Variants in CFAP61 observed in about 807,000 individuals in gnomAD.
The protein encoded by CFAP61 is cilia- and flagella-associated protein 61.
Under a neutral mutation model 135.6 loss-of-function variants are expected in CFAP61, and 107 were observed. That is an observed-to-expected ratio of 0.79 (90% CI 0.67 to 0.93). CFAP61 has a LOEUF of 0.93. Among genes scored for constraint, CFAP61 ranks in the 40% least tolerant of loss-of-function variants. The pLI, the probability that CFAP61 is intolerant of heterozygous loss-of-function variation, is 0.00. For synonymous variants in CFAP61, 575 were observed against 578.5 expected (o/e 0.99, Z 0.09); for missense variants, 1,507 against 1,556.2 (o/e 0.97, Z 0.53).
At position 20,159,360 on chromosome 20, in the gene CFAP61, T is replaced by C. The variant is rs146284267; in HGVS notation, c.952-10T>C. 2.5e-6 allele frequency: 4 copies of C among 1,613,398 alleles called. No homozygotes were observed. In the African/African-American group the frequency reaches 5.3e-5, roughly 22 times the overall value. On this transcript the variant is annotated splice_polypyrimidine_tract_variant and intron_variant, in intron 9 of 26. Coordinates refer to ENST00000245957, the MANE Select transcript of CFAP61 (RefSeq NM_015585.4). ...GATTAATTTTCATGTTTTGCTGTCA[T>C]CATTTCCAGGGAAATATTGCCAGAG... is the stretch of plus-strand genomic sequence containing the variant.
In CFAP61 at chr20:20,341,959, A is replaced by T. The variant is rs745400457; in HGVS notation, c.3513+38A>T. On this transcript the variant is annotated intron_variant, in intron 26 of 26. Transcript: ENST00000245957. ...AATGGATATGTGGATTATTCCTTGC[A>T]AATTATAAGCAGCTGATAGCTGTTG... The T allele has an allele frequency of 4.3e-6, 6 of 1,399,522 alleles. No individual in the cohort carries two copies. The African/African-American group carries it at 8.5e-5, about 20-fold the overall frequency. 86.7% of individuals were successfully genotyped at this position (1,399,522 alleles called of 1,614,324 possible). A position where few individuals can be genotyped will look rare whatever the true frequency, so the allele number is the denominator to read the frequency against.
chr20:20,226,602 G>A (rs1268658819), intron 17 of CFAP61, among the ~76,000 whole-genome samples: 1 of 152,232 alleles, frequency 6.6e-6, no homozygotes, highest in African/African-American at 2.4e-5. Context: ...CTATTTCTGT[G>A]TGATTCTCTT....
chr20:20,219,296 G>A (rs1006783036), intron 17 of CFAP61, among the ~76,000 whole-genome samples: 1 of 152,122 alleles, frequency 6.6e-6, no homozygotes, highest in African/African-American at 2.4e-5. Context: ...TTGAAATTTT[G>A]TTCTTTGACT....
chr20:20,326,748 T>C (rs1374407161), intron 25 of CFAP61, among the ~76,000 whole-genome samples: 2 of 152,208 alleles, frequency 1.3e-5, no homozygotes, highest in Non-Finnish European at 2.9e-5. Context: ...GTTGTAATGA[T>C]TGAGACATTA....
Position 20,296,613 on chromosome 20 carries a change from A to C in CFAP61, c.3217-1568A>C, listed in dbSNP as rs566019827. Among the ~76,000 whole-genome samples the C allele has an allele frequency of 3.9e-4, 60 of 152,164 alleles. 1 individual carries two copies. The highest frequency in any genetic ancestry group is 1.4e-3 in the African/African-American group (58 of 41,512). On this transcript the variant is annotated intron_variant, in intron 24 of 26. Coordinates refer to ENST00000245957, the MANE Select transcript of CFAP61 (RefSeq NM_015585.4). ...AAAAATAACTTTTCCTCATTTTAGA[A>C]GTAATGATCATTTTTTAAAAATTAG...
chr20:20,177,857 G>A (rs1053905300), intron 13 of CFAP61, among the ~76,000 whole-genome samples: 3 of 151,956 alleles, frequency 2.0e-5, no homozygotes, highest in Admixed American at 2.0e-4. Flanking sequence ...CATGAGTAAA[G>A]ACCTGAAGGA....
At chr20:20,313,541 G>A (rs2056946954) in intron 25 of CFAP61, among the ~76,000 whole-genome samples, 2 of 152,206 alleles carry the variant, frequency 1.3e-5, no homozygotes, top group African/African-American at 2.4e-5. Flanking sequence ...CTGTGTAGCA[G>A]TGATGGGAAT....
chr20:20,178,425 T>A (rs2054796554), intron 13 of CFAP61, among the ~76,000 whole-genome samples: 1 of 152,224 alleles, frequency 6.6e-6, no homozygotes, highest in African/African-American at 2.4e-5. Context: ...TGTCCTCTTG[T>A]TTATTCATTA....
intron 24 of CFAP61, among the ~76,000 whole-genome samples, chr20:20,297,894 G>A (rs931337884): frequency 4.6e-5 from 7 of 152,148 alleles, no homozygotes; most frequent in African/African-American, 1.4e-4. Flanking sequence ...TTATTAGCTG[G>A]GTGTGCAGTA....
rs1433933464 is a variant in CFAP61 at position 20,099,609 on chromosome 20, AAGCC to A, written c.859+797_859+800del. 2.6e-5 allele frequency among the ~76,000 whole-genome samples: 4 copies of A among 152,148 alleles called. No individual in the cohort carries two copies. In the East Asian group the frequency reaches 7.7e-4, roughly 29 times the overall value. On this transcript the variant is annotated intron_variant, in intron 8 of 26. Transcript: ENST00000245957. Reference sequence around the variant, plus strand: ...GGGGGTTGTGAAGTTTCACTGAGATAAGCCATGTAGAGTGCTTTGCACAGTCAAC... The same window carrying A: ...GGGGGTTGTGAAGTTTCACTGAGATAATGTAGAGTGCTTTGCACAGTCAAC...
chr20:20,123,979 T>G (rs2049875958), intron 8 of CFAP61, among the ~76,000 whole-genome samples: 1 of 147,276 alleles, frequency 6.8e-6, no homozygotes, highest in Non-Finnish European at 1.5e-5. Flanking sequence ...AAGTTTTTTT[T>G]TTTTTTTTTT....
intron 6 of CFAP61, chr20:20,085,436 G>A: frequency 7.3e-7 from 1 of 1,365,268 alleles, no homozygotes. Context: ...AGCAGAACAA[G>A]TTCCTCTTTA....
chr20:20,213,843 C>T (rs993128590), intron 17 of CFAP61, among the ~76,000 whole-genome samples: 4 of 152,052 alleles, frequency 2.6e-5, no homozygotes, highest in Admixed American at 1.3e-4. Flanking sequence ...CTCTCCCCTT[C>T]GTTGTTAACT....
chr20:20,319,556 T>A (rs1009777445), intron 25 of CFAP61, among the ~76,000 whole-genome samples: 2 of 152,230 alleles, frequency 1.3e-5, no homozygotes, highest in African/African-American at 4.8e-5. Context: ...TTCCTCCTGC[T>A]CTGGCCATGT....
intron 8 of CFAP61, among the ~76,000 whole-genome samples, chr20:20,124,752 T>C (rs1360650235): frequency 1.3e-5 from 2 of 151,666 alleles, no homozygotes; most frequent in African/African-American, 4.9e-5. Flanking sequence ...TTAGGGAGGG[T>C]TCCTTCTTTC....
rs192086584 is a variant in CFAP61, at chr20:20,358,465, T to C, written c.3514-1745T>C. 1.1e-4 allele frequency among the ~76,000 whole-genome samples: 17 copies of C among 152,334 alleles called. No individual in the cohort carries two copies. The East Asian group carries it at 3.1e-3, about 28-fold the overall frequency. ...ATGAGCTCAAAATCTTGTATAATTT[T>C]AGTAAGGTAATTGTTTTTGGTTGGT... On this transcript the variant is annotated intron_variant, in intron 26 of 26. Coordinates refer to ENST00000245957, the MANE Select transcript of CFAP61 (RefSeq NM_015585.4).
intron 9 of CFAP61, among the ~76,000 whole-genome samples, chr20:20,148,873 G>C (rs577156492): frequency 6.6e-5 from 10 of 152,268 alleles, no homozygotes; most frequent in African/African-American, 2.4e-4. Context: ...TCTTATTCCA[G>C]TTCTCAGAAG....
chr20:20,284,770 A>G (rs1027106235), intron 22 of CFAP61, among the ~76,000 whole-genome samples: 11 of 152,202 alleles, frequency 7.2e-5, no homozygotes, highest in Admixed American at 7.2e-4. Context: ...CAGCCATCCT[A>G]TATCTTACAT....
At chr20:20,052,836 GGCTGCAATGCCTCGA>G (rs2043855357) in intron 1 of CFAP61, 1 of 1,019,516 alleles carries the variant, frequency 9.8e-7, no homozygotes, top group Non-Finnish European at 1.4e-6. Context: ...CGCCCTTTTA[GGCTGCAATGCCTCGA>G]GCATTGCATT....
Sources: allele counts gnomAD v4.1 joint callset (sites outside exome capture counted in the v4.1 genomes callset), GRCh38; gene constraint gnomAD v4.1.1; transcripts MANE v1.5; gene names NCBI Gene and HGNC (gene_info 2026-07-23, HGNC 2026-07-21).